The following CHM variants were observed in gnomAD, a reference collection of about 807,000 sequenced individuals.
CHM encodes CHM Rab escort protein.
In CHM, 10 loss-of-function variants were observed where a neutral mutation model predicts 49.0. The observed-to-expected ratio is 0.20, with a 90% confidence interval of 0.13 to 0.35. The LOEUF is 0.35. Ranked by LOEUF, CHM falls within the 10% of genes least tolerant of loss-of-function variation. The pLI, the probability that CHM is intolerant of heterozygous loss-of-function variation, is 1.00. For missense variants in CHM, 455 were observed against 478.4 expected, an observed-to-expected ratio of 0.95 and a Z score of 0.46; for synonymous variants, 184 against 167.5, an observed-to-expected ratio of 1.10 and a Z score of -0.76.
At chrX:85,984,107 T>C (rs1292526690) in intron 2 of CHM, among the ~76,000 whole-genome samples, 2 of 109,864 alleles carry the variant, frequency 1.8e-5, no homozygotes, top group East Asian at 5.7e-4. Context: ...GAGGCTGAGG[T>C]AGAAGAATTG....
intron 2 of CHM, among the ~76,000 whole-genome samples, chrX:85,983,569 G>A (rs1931746315): frequency 9.0e-6 from 1 of 111,515 alleles, no homozygotes; most frequent in African/African-American, 3.3e-5. Flanking sequence ...GGTTTTGAAG[G>A]AGGGGAAAAA....
intron 12 of CHM, among the ~76,000 whole-genome samples, chrX:85,889,439 A>G (rs1925304346): frequency 8.9e-6 from 1 of 112,632 alleles, no homozygotes; most frequent in African/African-American, 3.2e-5. Context: ...TAAGTAGCCA[A>G]CAAACATATG....
chrX:85,967,571 C>T (rs1930648814), intron 4 of CHM, among the ~76,000 whole-genome samples: 1 of 111,476 alleles, frequency 9.0e-6, no homozygotes, highest in African/African-American at 3.3e-5. Context: ...ATCATTAAGT[C>T]GAACCATCTT....
chrX:85,887,611 G>T (rs1925168844), intron 12 of CHM, among the ~76,000 whole-genome samples: 1 of 111,441 alleles, frequency 9.0e-6, no homozygotes, highest in African/African-American at 3.3e-5. Flanking sequence ...CAGTTTGGTG[G>T]GTTCAGAAGA....
chrX:85,893,286 G>C, intron 12 of CHM, among the ~76,000 whole-genome samples: 1 of 111,730 alleles, frequency 9.0e-6, no homozygotes. Flanking sequence ...TACTGAAATA[G>C]CCTCAAGAAA....
intron 8 of CHM, among the ~76,000 whole-genome samples, chrX:85,937,718 C>T (rs960496553): frequency 2.8e-5 from 3 of 108,805 alleles, no homozygotes; most frequent in Admixed American, 9.9e-5. Context: ...GTAGTGCACA[C>T]CTGTAATCCC....
intron 8 of CHM, among the ~76,000 whole-genome samples, chrX:85,927,597 G>A (rs944671863): frequency 1.8e-5 from 2 of 111,943 alleles, no homozygotes; most frequent in East Asian, 2.8e-4. Flanking sequence ...AGATAATTGC[G>A]TATATCTGGA....
chrX:85,895,136 G>GTTTTTTTTTTT (rs527920499), intron 11 of CHM, among the ~76,000 whole-genome samples: 3 of 82,103 alleles, frequency 3.7e-5, no homozygotes, highest in Non-Finnish European at 7.3e-5. Context: ...GTTTTTTTTT[G>GTTTTTTTTTTT]TTTTTTTTTT....
At chrX:86,001,304 A>G (rs1419609565) in intron 2 of CHM, among the ~76,000 whole-genome samples, 1 of 111,221 alleles carries the variant, frequency 9.0e-6, no homozygotes, top group Non-Finnish European at 1.9e-5. Flanking sequence ...GGAACAGCTT[A>G]ATATGCAACA....
chrX:85,870,502 A>G (rs1923982252), intron 14 of CHM, among the ~76,000 whole-genome samples: 1 of 111,860 alleles, frequency 8.9e-6, no homozygotes, highest in South Asian at 3.8e-4. Context: ...ACATCAGCCA[A>G]TTTAACTCAT....
intron 2 of CHM, among the ~76,000 whole-genome samples, chrX:86,018,167 G>A (rs568314742): frequency 2.7e-5 from 3 of 112,074 alleles, no homozygotes; most frequent in African/African-American, 9.7e-5. Context: ...TGGTTAGAAG[G>A]CATAAAGAAC....
intron 8 of CHM, among the ~76,000 whole-genome samples, chrX:85,927,620 T>C (rs1428983188): frequency 8.9e-6 from 1 of 112,289 alleles, no homozygotes; most frequent in Non-Finnish European, 1.9e-5. Flanking sequence ...ATAATCTAAT[T>C]CTTTGATGTT....
At chrX:86,035,258 T>C (rs1934191332) in intron 1 of CHM, among the ~76,000 whole-genome samples, 1 of 111,879 alleles carries the variant, frequency 8.9e-6, no homozygotes, top group South Asian at 3.7e-4. Context: ...TCACATTCAA[T>C]GTACATTGGA....
intron 8 of CHM, among the ~76,000 whole-genome samples, chrX:85,948,155 A>T (rs993753463): frequency 1.8e-5 from 2 of 112,248 alleles, no homozygotes; most frequent in Non-Finnish European, 3.8e-5. Flanking sequence ...GTAGTATATA[A>T]AACTTATTCC....
chrX:85,978,799 A>T lies in CHM; in HGVS notation c.282T>A (p.Thr94=), dbSNP rs1931431737. The part of the protein sequence containing the change: ...EAIALSRKDK[T]IQHVEVFCYA... ...AACAAAATACTTCCACATGTTGAAT[A>T]GTTTTGTCCTTCCTGCTAAGAGCAA... is the stretch of plus-strand genomic sequence containing the variant. Residue 94 remains threonine (T), a synonymous_variant, in exon 4 of 15, where the codon ACT becomes ACA. Coordinates refer to ENST00000357749, the MANE Select transcript of CHM (RefSeq NM_000390.4). The T allele has an allele frequency of 8.3e-7, 1 of 1,204,788 alleles. No homozygotes were observed. The highest frequency in any genetic ancestry group is 2.2e-5 in the Admixed American group (1 of 45,664).
At chrX:85,934,650 T>A (rs1479510155) in intron 8 of CHM, among the ~76,000 whole-genome samples, 1 of 110,399 alleles carries the variant, frequency 9.1e-6, no homozygotes, top group Non-Finnish European at 1.9e-5. Context: ...TTCCACGGTG[T>A]ATATGTGCCA....
chrX:85,969,174 C>T (rs975905387), intron 4 of CHM: 4 of 736,831 alleles, frequency 5.4e-6, no homozygotes, highest in Non-Finnish European at 6.4e-6. Context: ...AAGTTTTCAT[C>T]CTGCTTTAAT....
At chrX:85,909,304 T>C (rs1417481804) in intron 9 of CHM, among the ~76,000 whole-genome samples, 1 of 111,610 alleles carries the variant, frequency 9.0e-6, no homozygotes, top group Non-Finnish European at 1.9e-5. Context: ...AATTAAGACC[T>C]AGAGCCCCCA....
chrX:85,975,973 T>G (rs762034822), intron 4 of CHM, among the ~76,000 whole-genome samples: 1 of 112,250 alleles, frequency 8.9e-6, no homozygotes, highest in Non-Finnish European at 1.9e-5. Context: ...TACTATATAG[T>G]GATACTCTTA....
Sources: allele counts gnomAD v4.1 joint callset (sites outside exome capture counted in the v4.1 genomes callset), GRCh38; gene constraint gnomAD v4.1.1; transcripts MANE v1.5; gene names NCBI Gene and HGNC (gene_info 2026-07-23, HGNC 2026-07-21).